NUP210: variants seen among roughly 807,000 people sequenced by gnomAD.
NUP210 encodes the protein nuclear pore membrane glycoprotein 210.
NUP210 carries 151 observed loss-of-function variants against 196.0 expected under a neutral mutation model. The observed-to-expected ratio is 0.77, with a 90% CI of 0.67 to 0.88. The LOEUF is 0.88. NUP210 is among the 40% of genes least tolerant of loss of function. The pLI is 0.00. For missense variants in NUP210, 2,314 were observed against 2,493.7 expected (o/e 0.93, Z 1.53); for synonymous variants, 1,070 against 1,052.7 (o/e 1.02, Z -0.32).
chr3:13,332,520 C>T (rs1314140278), intron 28 of NUP210, 136 bp from the exon 29 acceptor site: 1 of 677,692 alleles, frequency 1.5e-6, no homozygotes, highest in Admixed American at 2.2e-5. Context: ...TGTCAGGTCA[C>T]TGATGACATG....
chr3:13,375,928 C>A (rs1698888708), intron 10 of NUP210, among the ~76,000 whole-genome samples: 1 of 152,180 alleles, frequency 6.6e-6, no homozygotes, highest in South Asian at 2.1e-4. Flanking sequence ...GGCTTGAGAG[C>A]TAAAGCAGCC....
intron 2 of NUP210, among the ~76,000 whole-genome samples, 174 bp downstream of exon 2, chr3:13,399,551 A>G (rs996571971): frequency 3.3e-5 from 5 of 152,172 alleles, no homozygotes; most frequent in South Asian, 2.1e-4. Flanking sequence ...GTGCTGGCAC[A>G]AGGCTTGGGA....
intron 3 of NUP210, among the ~76,000 whole-genome samples, chr3:13,396,055 G>A (rs1699639948): frequency 6.6e-6 from 1 of 152,234 alleles, no homozygotes; most frequent in Non-Finnish European, 1.5e-5. Context: ...GGCCTCATCT[G>A]ATGAATGGGT....
chr3:13,409,981 TGCACGCCACCTGTAATTTTTA>T, intron 1 of NUP210, among the ~76,000 whole-genome samples: 1 of 151,322 alleles, frequency 6.6e-6, no homozygotes, highest in African/African-American at 2.4e-5. Context: ...GGACTACAGG[TGCACGCCACCTGTAATTTTTA>T]GCACGTCACC....
intron 20 of NUP210, chr3:13,351,610 C>A: frequency 2.7e-6 from 1 of 369,196 alleles, no homozygotes; most frequent in East Asian, 5.6e-5. Flanking sequence ...CCTCAGGTTC[C>A]TGTGTAGCTG....
intron 29 of NUP210, among the ~76,000 whole-genome samples, chr3:13,331,898 G>A (rs1377619055): frequency 1.3e-5 from 2 of 152,140 alleles, no homozygotes; most frequent in South Asian, 4.2e-4. Flanking sequence ...GCTTCTCCCT[G>A]GGCAGGTCTG....
chr3:13,343,215 A>C lies in NUP210; in HGVS notation c.2924T>G (p.Val975Gly), dbSNP rs768642606. 6.2e-7 allele frequency: 1 copy of C among 1,614,086 alleles called. No individual in the cohort carries two copies. Among genetic ancestry groups the C allele is most frequent in the African/African-American group, 1.3e-5 (1 of 75,036 alleles). The change falls in exon 21 of 40, where the codon GTG (valine) becomes GGG (glycine). Residue 975 changes from valine to glycine, a missense_variant. By Grantham distance (109) the Val-to-Gly change is moderately radical. Coordinates refer to ENST00000254508, the MANE Select transcript of NUP210 (RefSeq NM_024923.4). Reference sequence around the variant, plus strand: ...GATGTACAGCTCCTGAATGTCCGACACGTAAACGACAGCCTTGGCTGGGGC... The same window carrying C: ...GATGTACAGCTCCTGAATGTCCGACCCGTAAACGACAGCCTTGGCTGGGGC... ...FPAPAKAVVY[V>G]SDIQELYIRV...
chr3:13,376,857 C>T (rs187403772), intron 9 of NUP210, among the ~76,000 whole-genome samples: 2 of 152,282 alleles, frequency 1.3e-5, no homozygotes, highest in East Asian at 1.9e-4. Context: ...AGAGGAACCT[C>T]GCCTTTTTCT....
Position 13,399,720 on chromosome 3 carries a change from C to T in NUP210, c.304+5G>A. 1 of 1,614,150 alleles carries T rather than the reference C, an allele frequency of 6.2e-7. No homozygotes were observed. The highest frequency in any genetic ancestry group is 8.5e-7 in the Non-Finnish European group (1 of 1,180,012). ...CGGGGATCACACACAGCACTCAGCC[C>T]TTACTGATGTCCTCTGCGAAGATGA... is the stretch of plus-strand genomic sequence containing the variant. On this transcript the variant is annotated splice_donor_5th_base_variant and intron_variant, in intron 2 of 39. Transcript: ENST00000254508.
intron 37 of NUP210, 41 bp from the exon 38 acceptor site, chr3:13,319,366 C>A (rs1295078501): frequency 3.3e-6 from 5 of 1,510,190 alleles, no homozygotes; most frequent in Non-Finnish European, 4.6e-6. Flanking sequence ...ACCACCAGGC[C>A]CACTGTGGCA....
intron 1 of NUP210, among the ~76,000 whole-genome samples, chr3:13,412,247 T>TTTTTTTA (rs1553605356): frequency 1.0e-4 from 14 of 135,680 alleles, no homozygotes; most frequent in African/African-American, 3.6e-4. Context: ...TTTTTTTTTT[T>TTTTTTTA]AGTAGAGACA....
intron 4 of NUP210, among the ~76,000 whole-genome samples, chr3:13,388,951 C>T (rs564254824): frequency 4.6e-5 from 7 of 152,348 alleles, no homozygotes; most frequent in South Asian, 2.1e-4. Context: ...GGGCACCAGA[C>T]GGCACCATGT....
intron 12 of NUP210, 109 bp from the exon 13 acceptor site, chr3:13,372,141 G>T: frequency 9.6e-7 from 1 of 1,043,114 alleles, no homozygotes; most frequent in Non-Finnish European, 1.4e-6. Context: ...GGATACATCT[G>T]TGAGAAGCCT....
At chr3:13,395,386 C>T (rs1215725672) in intron 3 of NUP210, among the ~76,000 whole-genome samples, 9 of 152,186 alleles carry the variant, frequency 5.9e-5, no homozygotes, top group Admixed American at 3.9e-4. Context: ...GGTGCCATCT[C>T]GGCTCACTGC....
intron 14 of NUP210, among the ~76,000 whole-genome samples, chr3:13,361,410 G>A (rs1166342796): frequency 6.6e-6 from 1 of 152,174 alleles, no homozygotes; most frequent in Non-Finnish European, 1.5e-5. Flanking sequence ...AGGGCCCCAT[G>A]GCCTCCTGGT....
At chr3:13,342,201 G>T in intron 21 of NUP210, 78 bp from the exon 22 acceptor site, 1 of 1,560,584 alleles carries the variant, frequency 6.4e-7, no homozygotes. Flanking sequence ...GTGACTTTCT[G>T]AGATAGCATC....
intron 2 of NUP210, among the ~76,000 whole-genome samples, chr3:13,398,641 C>T (rs923457469): frequency 3.9e-5 from 6 of 152,134 alleles, no homozygotes; most frequent in African/African-American, 1.4e-4. Flanking sequence ...TTATTTGGGC[C>T]GGGTGTGGTA....
intron 6 of NUP210, among the ~76,000 whole-genome samples, chr3:13,383,013 GTGTGCCTGTGGTCCCAGCTACT>G (rs1699153559): frequency 6.6e-6 from 1 of 152,066 alleles, no homozygotes; most frequent in Non-Finnish European, 1.5e-5. Flanking sequence ...GGCATGTGGT[GTGTGCCTGTGGTCCCAGCTACT>G]CAGGGGTGTG....
chr3:13,366,551 T>C (rs1323902975), intron 13 of NUP210, among the ~76,000 whole-genome samples: 1 of 143,164 alleles, frequency 7.0e-6, no homozygotes, highest in Non-Finnish European at 1.5e-5. Flanking sequence ...AGAGTCTCAC[T>C]CTGTCTCCCA....
Sources: gnomAD v4.1 joint callset for allele counts (sites outside exome capture counted in the v4.1 genomes callset) on GRCh38, gnomAD v4.1.1 for gene constraint, MANE v1.5 for transcripts, NCBI Gene and HGNC (gene_info 2026-07-23, HGNC 2026-07-21) for gene names.